The following SNX25 variants were observed in gnomAD, a reference collection of about 807,000 sequenced individuals.
The protein encoded by SNX25 is sorting nexin 25, also known as sorting nexin-25.
SNX25 carries 62 observed loss-of-function variants against 113.7 expected under a neutral mutation model. The observed-to-expected ratio is 0.55, with a 90% confidence interval of 0.44 to 0.67. The LOEUF is 0.67. SNX25 is among the 30% of genes least tolerant of loss of function. The probability of loss-of-function intolerance (pLI) is 0.00; values close to 1 mark genes in which losing one functional copy is unlikely to be tolerated. For synonymous variants in SNX25, 421 were observed against 436.2 expected (o/e 0.97, Z 0.43); for missense variants, 1,014 against 1,161.0 (o/e 0.87, Z 1.84).
chr4:185,241,076 G>A (rs1273952716), intron 1 of SNX25, among the ~76,000 whole-genome samples: 2 of 151,562 alleles, frequency 1.3e-5, no homozygotes, highest in East Asian at 4.0e-4. Flanking sequence ...CAGACGGGGT[G>A]GCGGCCGGGC....
upstream of SNX25, among the ~76,000 whole-genome samples, chr4:185,205,256 C>T (rs2111444802): frequency 6.6e-6 from 1 of 152,264 alleles, no homozygotes; most frequent in East Asian, 1.9e-4. Flanking sequence ...GAGTTCAAGA[C>T]CAGCCTGACT....
chr4:185,213,868 G>A (rs1404279324), intron 1 of SNX25, among the ~76,000 whole-genome samples: 1 of 151,802 alleles, frequency 6.6e-6, no homozygotes, highest in Non-Finnish European at 1.5e-5. Flanking sequence ...GAATAACTTT[G>A]TCAGTTTTTC....
At chr4:185,329,681 C>CAGAGAGAGAGAGAG (rs111361928) in intron 9 of SNX25, among the ~76,000 whole-genome samples, 4 of 148,922 alleles carry the variant, frequency 2.7e-5, no homozygotes, top group African/African-American at 9.8e-5. Flanking sequence ...AAGACAGACA[C>CAGAGAGAGAGAGAG]AGAGAGAGAG....
intron 1 of SNX25, among the ~76,000 whole-genome samples, chr4:185,240,223 C>G (rs1027479774): frequency 6.6e-6 from 1 of 152,130 alleles, no homozygotes; most frequent in Non-Finnish European, 1.5e-5. Context: ...ACCTTTCCCC[C>G]CTTTCTATTC....
intron 5 of SNX25, among the ~76,000 whole-genome samples, chr4:185,278,400 A>C (rs1750063553): frequency 6.6e-6 from 1 of 152,250 alleles, no homozygotes; most frequent in South Asian, 2.1e-4. Flanking sequence ...TGACCTTGGG[A>C]AAGTCATTTA....
chr4:185,369,741 A>G (rs778079049), intron 11 of SNX25: 21 of 441,476 alleles, frequency 4.8e-5, no homozygotes, highest in South Asian at 3.2e-4. Context: ...TGACATTGGA[A>G]TCCCACAGGG....
chr4:185,310,557 C>T, intron 6 of SNX25, 78 bp from the exon 7 acceptor site: 1 of 1,342,320 alleles, frequency 7.4e-7, no homozygotes, highest in South Asian at 1.6e-5. Flanking sequence ...CCACAGCAGA[C>T]ACTGATCTGG....
chr4:185,245,340 A>C (rs1744701027), intron 1 of SNX25, among the ~76,000 whole-genome samples: 1 of 151,806 alleles, frequency 6.6e-6, no homozygotes, highest in Non-Finnish European at 1.5e-5. Context: ...AATGCCAAGC[A>C]GTATCTTTTT....
intron 5 of SNX25, among the ~76,000 whole-genome samples, chr4:185,277,606 TAG>T (rs1294051765): frequency 6.6e-6 from 1 of 151,704 alleles, no homozygotes; most frequent in East Asian, 1.9e-4. Context: ...TTACAGTATA[TAG>T]AGTATTTCCA....
At chr4:185,361,850 T>C (rs2095365805) in intron 16 of SNX25, 74 bp from the exon 17 acceptor site, 4 of 1,441,370 alleles carry the variant, frequency 2.8e-6, no homozygotes, top group African/African-American at 1.4e-5. Flanking sequence ...AACCTTCGTA[T>C]TGATAAGTGC....
At chr4:185,259,744 G>A (rs560446049) in intron 3 of SNX25, among the ~76,000 whole-genome samples, 29 of 152,262 alleles carry the variant, frequency 1.9e-4, no homozygotes, top group African/African-American at 6.3e-4. Flanking sequence ...GTAGCCTTCT[G>A]CCTGTGTGGA....
chr4:185,271,655 A>G (rs115478246), intron 5 of SNX25, among the ~76,000 whole-genome samples: 536 of 152,348 alleles, frequency 3.5e-3, no homozygotes, highest in African/African-American at 0.012. Flanking sequence ...ACTATCTTCA[A>G]ATTGCTCTCA....
chr4:185,267,218 T>C, intron 5 of SNX25, 63 bp downstream of exon 5: 2 of 1,458,814 alleles, frequency 1.4e-6, no homozygotes, highest in Non-Finnish European at 1.9e-6. Context: ...CCTAGTTAGG[T>C]TAAAAAAAAA....
intron 5 of SNX25, among the ~76,000 whole-genome samples, chr4:185,280,195 C>T (rs556354588): frequency 1.3e-5 from 2 of 152,250 alleles, no homozygotes; most frequent in South Asian, 2.1e-4. Context: ...GAATTACAGA[C>T]GTGAGCCACC....
chr4:185,321,343 A>G (rs1392342836), intron 8 of SNX25, among the ~76,000 whole-genome samples: 1 of 151,106 alleles, frequency 6.6e-6, no homozygotes, highest in Non-Finnish European at 1.5e-5. Flanking sequence ...GCTCACTGCA[A>G]CCTCAGCCTC....
At chr4:185,376,980 G>A in the SNX25 span, 1 of 1,613,898 alleles carries the variant, frequency 6.2e-7, no homozygotes, top group Non-Finnish European at 8.5e-7. Context: ...TCCTTCAAGA[G>A]CTGCAATGCC....
chr4:185,332,718 G>C lies in SNX25; in HGVS notation c.1873G>C (p.Ala625Pro). The C allele has an allele frequency of 6.2e-7, 1 of 1,613,940 alleles. No individual in the cohort carries two copies. Among genetic ancestry groups the C allele is most frequent in the Non-Finnish European group, 8.5e-7 (1 of 1,179,952 alleles). ...LNEKLEYKRQ[A>P]LNSIQNAPKP... Reference sequence around the variant, plus strand: ...TGAGAAACTTGAATATAAAAGGCAAGCTCTAAATTCTATTCAAAATGCACC... The same window carrying C: ...TGAGAAACTTGAATATAAAAGGCAACCTCTAAATTCTATTCAAAATGCACC... Residue 625 changes from alanine to proline, a missense_variant, in exon 10 of 19, where the codon GCT becomes CCT. Ala to Pro is a conservative substitution (Grantham distance 27). Coordinates refer to ENST00000652585, the MANE Select transcript of SNX25 (RefSeq NM_001378034.2).
chr4:185,278,138 G>T (rs1216544558), intron 5 of SNX25, among the ~76,000 whole-genome samples: 3 of 152,196 alleles, frequency 2.0e-5, no homozygotes, highest in African/African-American at 7.2e-5. Context: ...GGTCTCATGA[G>T]GTGGCACAAG....
chr4:185,362,235 A>C, intron 17 of SNX25, 130 bp downstream of exon 17: 1 of 1,388,674 alleles, frequency 7.2e-7, no homozygotes, highest in South Asian at 1.9e-5. Context: ...ATACTCTTTT[A>C]AGCCATTTTT....
Sources: allele counts gnomAD v4.1 joint callset (sites outside exome capture counted in the v4.1 genomes callset), GRCh38; gene constraint gnomAD v4.1.1; transcripts MANE v1.5; gene names NCBI Gene and HGNC (gene_info 2026-07-23, HGNC 2026-07-21).